The following FABP6 variants were observed in gnomAD, a reference collection of about 807,000 sequenced individuals.
FABP6 encodes the protein gastrotropin.
Under a neutral mutation model 14.9 loss-of-function variants are expected in FABP6, and 13 were observed. The observed-to-expected ratio is 0.87, with a 90% CI of 0.57 to 1.39. FABP6 has a LOEUF of 1.39. Among genes scored for constraint, FABP6 ranks in the 40% most tolerant of loss-of-function variants. The pLI is 0.00. For missense variants in FABP6, 161 were observed against 167.2 expected (o/e 0.96, Z 0.20); for synonymous variants, 75 against 63.6 (o/e 1.18, Z -0.85).
intron 3 of FABP6, among the ~76,000 whole-genome samples, chr5:160,214,311 G>T (rs150475783): frequency 6.6e-6 from 1 of 151,564 alleles, no homozygotes; most frequent in Non-Finnish European, 1.5e-5. Context: ...TTACAGGCAC[G>T]TGCCACCATG....
At chr5:160,216,797 T>G (rs1035411815) in intron 3 of FABP6, among the ~76,000 whole-genome samples, 3 of 152,216 alleles carry the variant, frequency 2.0e-5, no homozygotes, top group Non-Finnish European at 4.4e-5. Context: ...GTTGCATGGA[T>G]TAACAGAGAT....
intron 1 of FABP6, among the ~76,000 whole-genome samples, chr5:160,195,104 G>C (rs1759482771): frequency 6.6e-6 from 1 of 152,006 alleles, no homozygotes; most frequent in Non-Finnish European, 1.5e-5. Context: ...GGCCAACATG[G>C]TGAAACCCCG....
rs374293582 is a variant in FABP6 at position 160,235,574 on chromosome 5, A to G, written c.333+665A>G. On this transcript the variant is annotated intron_variant, in intron 3 of 3. Coordinates refer to ENST00000402432, the MANE Select transcript of FABP6 (RefSeq NM_001445.3). Reference sequence around the variant, plus strand: ...AGTTTTCCCCAGGTGGAAGGAATGAACGTGAGGTTAAAAGGGAAAAGAAGG... The same window carrying G: ...AGTTTTCCCCAGGTGGAAGGAATGAGCGTGAGGTTAAAAGGGAAAAGAAGG... Among the ~76,000 whole-genome samples, 86 of 152,174 alleles carry G rather than the reference A, an allele frequency of 5.7e-4. 2 individuals carry two copies. The highest frequency in any genetic ancestry group is 1.8e-3 in the African/African-American group (73 of 41,436).
chr5:160,198,480 G>A (rs1759562442), intron 1 of FABP6: 3 of 152,380 alleles, frequency 2.0e-5, no homozygotes, highest in South Asian at 4.1e-4. Context: ...TGTTCTCCAG[G>A]AAGCAGATGG....
rs375118662 is a variant in FABP6 at position 160,219,366 on chromosome 5, C to T, written c.135+5547C>T. 2.6e-5 allele frequency among the ~76,000 whole-genome samples: 4 copies of T among 152,312 alleles called. No homozygotes were observed. The East Asian group carries it at 7.7e-4, about 29-fold the overall frequency. ...CCAGGGGAATTAGCCTTGGGCTCTT[C>T]TTTATCTCTATTGGGGTATAGTTGT... On this transcript the variant is annotated intron_variant, in intron 3 of 6. Transcript: ENST00000393980.
rs755078967 is a variant in FABP6 at position 160,214,152 on chromosome 5, T to TTTCTTTCTTTCTTTCTTTCA, written c.135+340_135+341insTTTCTTTCTTTCATTCTTTC. On this transcript the variant is annotated intron_variant, in intron 3 of 6. Coordinates refer to the FABP6 transcript ENST00000393980. ...CTTTCTTTCTTTCTTTCTTTCTTTC[T>TTTCTTTCTTTCTTTCTTTCA]TTCTTTCCTTCTTCTCTCTTATAAT... 3.0e-4 allele frequency among the ~76,000 whole-genome samples: 39 copies of TTTCTTTCTTTCTTTCTTTCA among 129,008 alleles called. 2 individuals are homozygous for TTTCTTTCTTTCTTTCTTTCA. The highest frequency in any genetic ancestry group is 1.0e-3 in the Admixed American group (13 of 12,534). The allele number at this position is 129,008 out of a possible 152,430, so 84.6% of individuals were successfully genotyped here. A position where few individuals can be genotyped will look rare whatever the true frequency, so the allele number is the denominator to read the frequency against.
At chr5:160,192,762 G>T (rs1323720540) in intron 1 of FABP6, among the ~76,000 whole-genome samples, 1 of 152,264 alleles carries the variant, frequency 6.6e-6, no homozygotes, top group African/African-American at 2.4e-5. Context: ...CTACTGAAAG[G>T]CCGTCTGGGG....
chr5:160,189,464 AAC>A (rs1437172037), intron 1 of FABP6, among the ~76,000 whole-genome samples: 1 of 152,176 alleles, frequency 6.6e-6, no homozygotes, highest in Non-Finnish European at 1.5e-5. Flanking sequence ...GCTGGTCTCA[AAC>A]TCCTGACCTC....
At chr5:160,236,965 C>T (rs1362506427) in intron 3 of FABP6, among the ~76,000 whole-genome samples, 1 of 151,786 alleles carries the variant, frequency 6.6e-6, no homozygotes, top group Non-Finnish European at 1.5e-5. Flanking sequence ...ACAACAAGAG[C>T]AAAACTCTGT....
chr5:160,222,662 C>G (rs551875439), intron 3 of FABP6, among the ~76,000 whole-genome samples: 1 of 152,222 alleles, frequency 6.6e-6, no homozygotes, highest in African/African-American at 2.4e-5. Context: ...AGATATGTTA[C>G]TTTTATAATC....
At chr5:160,199,069 G>A (rs2113070951) in exon 2 of FABP6, 3 of 1,613,160 alleles carry the variant, frequency 1.9e-6, no homozygotes, top group East Asian at 2.2e-5. Context: ...TCTGGCTCCA[G>A]GGAGCTCACA....
chr5:160,214,127 C>CA (rs1181723706), intron 3 of FABP6, among the ~76,000 whole-genome samples: 1 of 145,658 alleles, frequency 6.9e-6, no homozygotes, highest in African/African-American at 2.6e-5. Context: ...TTCTTTCTTT[C>CA]TTTCTTTCTT....
chr5:160,193,914 C>T (rs907890318), intron 1 of FABP6, among the ~76,000 whole-genome samples: 10 of 152,312 alleles, frequency 6.6e-5, no homozygotes, highest in East Asian at 1.9e-4. Context: ...AGCCCTTGGG[C>T]GGTCGATGGG....
At chr5:160,190,530 C>G (rs2113048677) in intron 1 of FABP6, among the ~76,000 whole-genome samples, 1 of 152,294 alleles carries the variant, frequency 6.6e-6, no homozygotes, top group Non-Finnish European at 1.5e-5. Flanking sequence ...CCACGCCCAG[C>G]CTGTGTCTCA....
At chr5:160,237,541 C>G (rs1171266816) in intron 3 of FABP6, among the ~76,000 whole-genome samples, 1 of 152,116 alleles carries the variant, frequency 6.6e-6, no homozygotes, top group African/African-American at 2.4e-5. Flanking sequence ...AGCATCCCTC[C>G]TGCCTTCCGC....
intron 1 of FABP6, among the ~76,000 whole-genome samples, chr5:160,194,530 G>C (rs975261243): frequency 3.0e-4 from 46 of 152,180 alleles, no homozygotes; most frequent in African/African-American, 1.1e-3. Flanking sequence ...AATGGAGCAA[G>C]ACCCGGTCTC....
At chr5:160,194,024 G>T (rs1194325092) in intron 1 of FABP6, among the ~76,000 whole-genome samples, 1 of 152,240 alleles carries the variant, frequency 6.6e-6, no homozygotes, top group Non-Finnish European at 1.5e-5. Flanking sequence ...CTGGCTGCAG[G>T]TCCCGAGCCC....
chr5:160,212,662 G>A (rs1045027888), intron 2 of FABP6, among the ~76,000 whole-genome samples: 2 of 151,996 alleles, frequency 1.3e-5, no homozygotes, highest in Non-Finnish European at 2.9e-5. Flanking sequence ...GTAGAGACAG[G>A]GTTTCACCGT....
intron 2 of FABP6, among the ~76,000 whole-genome samples, chr5:160,212,690 C>T (rs750094634): frequency 4.1e-4 from 62 of 152,194 alleles, no homozygotes; most frequent in South Asian, 1.0e-3. Context: ...AGGCTGGTCT[C>T]GATCTCCTGA....
Sources: allele counts gnomAD v4.1 joint callset (sites outside exome capture counted in the v4.1 genomes callset), GRCh38; gene constraint gnomAD v4.1.1; transcripts MANE v1.5; gene names NCBI Gene and HGNC (gene_info 2026-07-23, HGNC 2026-07-21).